Variants in NBEA observed in about 807,000 individuals in gnomAD.
The protein encoded by NBEA is neurobeachin, also known as lysosomal-trafficking regulator 2.
Under a neutral mutation model 343.4 loss-of-function variants are expected in NBEA, and 44 were observed. The observed-to-expected ratio is 0.13, with a 90% CI of 0.10 to 0.16. NBEA has a LOEUF of 0.16. Ranked by LOEUF, NBEA falls within the 10% of genes least tolerant of loss-of-function variation. NBEA has a pLI of 1.00. For synonymous variants in NBEA, 1,175 were observed against 1,238.7 expected (o/e 0.95, Z 1.08); for missense variants, 2,555 against 3,631.3 (o/e 0.70, Z 7.62).
chr13:35,323,466 C>CA (rs1233468633), intron 36 of NBEA, among the ~76,000 whole-genome samples: 1 of 149,418 alleles, frequency 6.7e-6, no homozygotes, highest in Non-Finnish European at 1.5e-5. Context: ...ATCGCAAGAA[C>CA]AAAAAACCAA....
In NBEA at chr13:35,196,226, C is replaced by A. The variant is rs555113403; in HGVS notation, c.5290C>A (p.Pro1764Thr). ...TGAAATAGCAGAATGTGGCCCTGAACCTATCCCATACCCAGATCCAGCATT... is the reference window on the plus strand; with the variant it reads ...TGAAATAGCAGAATGTGGCCCTGAAACTATCCCATACCCAGATCCAGCATT... ...PVEIAECGPE[P>T]IPYPDPALKR... Residue 1764 changes from proline (P) to threonine (T), a missense_variant, in exon 31 of 59, where the codon CCT (proline) becomes ACT (threonine). Pro to Thr is a conservative substitution (Grantham distance 38). Transcript: ENST00000379939. The A allele has an allele frequency of 1.9e-6, 3 of 1,613,586 alleles. No homozygotes were observed. The South Asian group carries it at 3.3e-5, about 18-fold the overall frequency.
intron 31 of NBEA, among the ~76,000 whole-genome samples, chr13:35,206,935 G>A (rs1044113053): frequency 6.6e-6 from 1 of 152,046 alleles, no homozygotes; most frequent in Non-Finnish European, 1.5e-5. Context: ...TATAGGGAAT[G>A]AAGGCATAAT....
intron 13 of NBEA, among the ~76,000 whole-genome samples, 152 bp from the exon 14 acceptor site, chr13:35,117,262 A>G (rs923431995): frequency 4.0e-5 from 6 of 151,698 alleles, no homozygotes; most frequent in African/African-American, 1.4e-4. Flanking sequence ...TTGGATACTC[A>G]TATATTATTA....
intron 1 of NBEA, among the ~76,000 whole-genome samples, chr13:35,003,958 G>T (rs1022398500): frequency 1.3e-5 from 2 of 152,050 alleles, no homozygotes; most frequent in Admixed American, 1.3e-4. Context: ...CTGACAGGGT[G>T]TGTTGTTCCC....
intron 17 of NBEA, among the ~76,000 whole-genome samples, chr13:35,132,149 T>A (rs183523880): frequency 3.9e-5 from 6 of 152,252 alleles, no homozygotes; most frequent in Non-Finnish European, 2.9e-5. Context: ...ATGTTCTTAG[T>A]ACTATTATTA....
chr13:35,070,746 A>G lies in NBEA; in HGVS notation c.1465A>G (p.Ile489Val), dbSNP rs2063834979. 1 of 1,598,916 alleles carries G rather than the reference A, an allele frequency of 6.3e-7. No homozygotes were observed. The highest frequency in any genetic ancestry group is 8.5e-7 in the Non-Finnish European group (1 of 1,171,142). Reference protein sequence around the residue: ...QDVKAIVTHSIHSAIHSIGGI... With the variant: ...QDVKAIVTHSVHSAIHSIGGI... The stretch of plus-strand genomic sequence containing the variant: ...TGTGAAAGCGATAGTAACACATTCA[A>G]TTCATAGTGCAATTCATTCAATTGG... The change falls in exon 10 of 59, where the codon ATT becomes GTT. Residue 489 changes from isoleucine (I) to valine (V), a missense_variant. Around this residue, in one of 21 missense-constraint regions of NBEA, gnomAD observed 360 missense variants for 519.1 expected, o/e 0.69. Transcript: ENST00000379939.
chr13:35,357,908 TGTTA>T (rs1356258045), intron 38 of NBEA, among the ~76,000 whole-genome samples: 1 of 152,208 alleles, frequency 6.6e-6, no homozygotes, highest in Non-Finnish European at 1.5e-5. Context: ...TTCTTTTTTC[TGTTA>T]GTCTGCTCTT....
intron 34 of NBEA, among the ~76,000 whole-genome samples, chr13:35,269,450 A>G (rs892807374): frequency 6.6e-6 from 1 of 152,202 alleles, no homozygotes; most frequent in Non-Finnish European, 1.5e-5. Flanking sequence ...TAACTAGTAC[A>G]GTAAATATGG....
chr13:35,661,461 ATACTC>A (rs1272243447), intron 55 of NBEA, among the ~76,000 whole-genome samples: 5 of 152,186 alleles, frequency 3.3e-5, no homozygotes, highest in African/African-American at 1.2e-4. Context: ...TCTTCACTGA[ATACTC>A]TATGAGTACA....
intron 1 of NBEA, among the ~76,000 whole-genome samples, chr13:35,023,077 G>T (rs1367934102): frequency 6.6e-6 from 1 of 151,934 alleles, no homozygotes; most frequent in Non-Finnish European, 1.5e-5. Flanking sequence ...AAACTAGTCA[G>T]GAAGACAGAA....
chr13:34,976,194 G>A (rs2060168299), intron 1 of NBEA, among the ~76,000 whole-genome samples: 1 of 152,152 alleles, frequency 6.6e-6, no homozygotes, highest in African/African-American at 2.4e-5. Flanking sequence ...CAACCAATGA[G>A]TGGATGAAAA....
At chr13:35,168,702 A>G (rs2070230878) in intron 24 of NBEA, among the ~76,000 whole-genome samples, 1 of 151,358 alleles carries the variant, frequency 6.6e-6, no homozygotes. Context: ...AAAATAGAGT[A>G]TGCATTATTT....
chr13:35,583,943 C>A lies in NBEA; in HGVS notation c.7081C>A (p.Arg2361Ser). Reference protein sequence around the residue: ...NPKRAVFYAERYETWEDDQSP... With the variant: ...NPKRAVFYAESYETWEDDQSP... ...CAAGAGAGCTGTGTTTTATGCAGAG[C>A]GTTATGAGACATGGGAAGATGATCA... is the stretch of plus-strand genomic sequence containing the variant. Residue 2361 changes from arginine (R) to serine (S), a missense_variant, in exon 46 of 59, where the codon CGT becomes AGT. Physicochemically the swap from Arg to Ser is moderately radical, Grantham distance 110. Coordinates refer to ENST00000379939, the MANE Select transcript of NBEA (RefSeq NM_001385012.1). 2 of 1,613,248 alleles carry A rather than the reference C, an allele frequency of 1.2e-6. No homozygotes were observed. Among genetic ancestry groups the A allele is most frequent in the Non-Finnish European group, 1.7e-6 (2 of 1,179,564 alleles).
intron 41 of NBEA, among the ~76,000 whole-genome samples, chr13:35,478,390 G>A (rs911732931): frequency 1.3e-5 from 2 of 152,132 alleles, no homozygotes; most frequent in African/African-American, 4.8e-5. Context: ...CTACCTTTTG[G>A]CAGTTGGAGG....
At chr13:35,322,832 G>C (rs1278157631) in intron 36 of NBEA, among the ~76,000 whole-genome samples, 2 of 152,072 alleles carry the variant, frequency 1.3e-5, no homozygotes, top group East Asian at 3.9e-4. Context: ...CAAAATTTGT[G>C]ATCATAAATT....
chr13:35,398,754 G>C (rs2042863664), intron 38 of NBEA, among the ~76,000 whole-genome samples: 1 of 151,966 alleles, frequency 6.6e-6, no homozygotes, highest in South Asian at 2.1e-4. Context: ...ACTAGATTTA[G>C]CATAACACTT....
At chr13:35,666,260 G>A (rs745462514) in intron 56 of NBEA, among the ~76,000 whole-genome samples, 20 of 152,040 alleles carry the variant, frequency 1.3e-4, no homozygotes, top group African/African-American at 3.6e-4. Context: ...GCCTTTCTAC[G>A]GAGAATGGAT....
chr13:35,021,785 T>A (rs1212977718), intron 1 of NBEA, among the ~76,000 whole-genome samples: 8 of 152,186 alleles, frequency 5.3e-5, no homozygotes, highest in Non-Finnish European at 7.4e-5. Context: ...GCTGTTGTTG[T>A]TACTGTTTTT....
chr13:35,310,222 T>G (rs921537834), intron 36 of NBEA, among the ~76,000 whole-genome samples: 1 of 152,188 alleles, frequency 6.6e-6, no homozygotes, highest in Non-Finnish European at 1.5e-5. Context: ...AAATAAAGTA[T>G]CTAAAACTCA....
Sources: allele counts gnomAD v4.1 joint callset (sites outside exome capture counted in the v4.1 genomes callset), GRCh38; gene constraint gnomAD v4.1.1; regional missense constraint gnomAD v4.1.1; transcripts MANE v1.5; gene names NCBI Gene and HGNC (gene_info 2026-07-23, HGNC 2026-07-21).